PSD2: variants seen among roughly 807,000 people sequenced by gnomAD.
PSD2 encodes PH and SEC7 domain-containing protein 2.
PSD2 carries 38 observed loss-of-function variants against 69.8 expected under a neutral mutation model. The ratio of observed to expected loss-of-function variants is 0.54; its 90% CI spans 0.42 to 0.71. PSD2 has a LOEUF of 0.71. PSD2 is among the 30% of genes least tolerant of loss of function. PSD2 has a pLI of 0.00. For synonymous variants in PSD2, 412 were observed against 423.0 expected (o/e 0.97, Z 0.32); for missense variants, 943 against 1,014.5 (o/e 0.93, Z 0.96).
At chr5:139,790,001 G>C in the PSD2 span, among the ~76,000 whole-genome samples, 1 of 152,126 alleles carries the variant, frequency 6.6e-6, no homozygotes, top group African/African-American at 2.4e-5. Context: ...GGCCGGGCGG[G>C]CGCTGAGGTG....
chr5:139,743,402 G>C, the PSD2 span, among the ~76,000 whole-genome samples: 6 of 152,208 alleles, frequency 3.9e-5, no homozygotes, highest in African/African-American at 1.2e-4. Flanking sequence ...GGAACTGGGA[G>C]CCTGCAGTGT....
Position 139,813,712 on chromosome 5 carries a change from G to A in PSD2, c.775G>A (p.Glu259Lys), listed in dbSNP as rs370311639. 2 of 1,612,872 alleles carry A rather than the reference G, an allele frequency of 1.2e-6. No homozygotes were observed. The highest frequency in any genetic ancestry group is 8.5e-7 in the Non-Finnish European group (1 of 1,179,548). The change falls in exon 3 of 15, where the codon GAG becomes AAG. Residue 259 changes from glutamate (E) to lysine (K), a missense_variant. Physicochemically the swap from Glu to Lys is moderately conservative, Grantham distance 56 (BLOSUM62 1). Coordinates refer to ENST00000274710, the MANE Select transcript of PSD2 (RefSeq NM_032289.4). ...TGGCCCTCAGGGCCCAGGGGGGGATGAGGATGATGATGAGGAGGACACGGA... is the reference window on the plus strand; with the variant it reads ...TGGCCCTCAGGGCCCAGGGGGGGATAAGGATGATGATGAGGAGGACACGGA... The part of the protein sequence containing the change: ...EDGPQGPGGD[E>K]DDDEEDTDKL...
At chr5:139,811,330 A>G (rs926089483) in intron 2 of PSD2, among the ~76,000 whole-genome samples, 4 of 152,090 alleles carry the variant, frequency 2.6e-5, no homozygotes, top group African/African-American at 7.2e-5. Context: ...AATCTTAGGC[A>G]CTGGGGGGCC....
intron 8 of PSD2, 122 bp downstream of exon 8, chr5:139,833,913 T>C: frequency 1.3e-6 from 1 of 760,552 alleles, no homozygotes; most frequent in Non-Finnish European, 2.3e-6. Flanking sequence ...AGGGCCATGA[T>C]GACAAAGTTA....
chr5:139,827,501 G>A (rs544447061), intron 7 of PSD2, among the ~76,000 whole-genome samples: 1 of 152,330 alleles, frequency 6.6e-6, no homozygotes, highest in South Asian at 2.1e-4. Context: ...ATGTCTGCAG[G>A]GAAGTGGTTA....
At chr5:139,754,870 AAAAAACAAAAAC>A in the PSD2 span, among the ~76,000 whole-genome samples, 1 of 152,080 alleles carries the variant, frequency 6.6e-6, no homozygotes, top group Non-Finnish European at 1.5e-5. Flanking sequence ...CTGTCTCAAA[AAAAAACAAAAAC>A]AAAAACAAAA....
At chr5:139,753,092 C>A in the PSD2 span, among the ~76,000 whole-genome samples, 1 of 152,210 alleles carries the variant, frequency 6.6e-6, no homozygotes, top group South Asian at 2.1e-4. Flanking sequence ...CCCATCCCAC[C>A]ACCATCAGCA....
At chr5:139,775,652 G>A in the PSD2 span, among the ~76,000 whole-genome samples, 14 of 152,154 alleles carry the variant, frequency 9.2e-5, no homozygotes, top group Admixed American at 2.6e-4. Flanking sequence ...GAGTTTCTTC[G>A]CCTGTCTTCT....
rs1300700140 is a variant in PSD2, at chr5:139,817,600, C to A, written c.1097+39C>A. Reference sequence around the variant, plus strand: ...GGACAGGCAGTGCCCACAAGTGGTACAGGCTGCACTTCTGGATTCTCATGT... The same window carrying A: ...GGACAGGCAGTGCCCACAAGTGGTAAAGGCTGCACTTCTGGATTCTCATGT... On this transcript the variant is annotated intron_variant, in intron 5 of 14. Transcript: ENST00000274710. 9 of 1,498,650 alleles carry A rather than the reference C, an allele frequency of 6.0e-6. No homozygotes were observed. In the African/African-American group the frequency reaches 1.1e-4, roughly 18 times the overall value. 92.8% of individuals were successfully genotyped at this position (1,498,650 alleles called of 1,614,324 possible).
chr5:139,786,018 G>A, the PSD2 span, among the ~76,000 whole-genome samples: 1 of 152,192 alleles, frequency 6.6e-6, no homozygotes, highest in Admixed American at 6.5e-5. Context: ...GAACCCAGGA[G>A]TTTGAGGTTA....
the PSD2 span, among the ~76,000 whole-genome samples, chr5:139,759,746 A>G: frequency 6.6e-6 from 1 of 152,176 alleles, no homozygotes; most frequent in Non-Finnish European, 1.5e-5. Flanking sequence ...TCTTCCGTTT[A>G]ATTATTTGTA....
At chr5:139,755,874 C>T in the PSD2 span, among the ~76,000 whole-genome samples, 6 of 151,888 alleles carry the variant, frequency 4.0e-5, no homozygotes, top group African/African-American at 1.5e-4. Context: ...AAGGGGGCTC[C>T]AACAAATCTC....
At chr5:139,750,173 A>G in the PSD2 span, among the ~76,000 whole-genome samples, 1 of 152,094 alleles carries the variant, frequency 6.6e-6, no homozygotes. Flanking sequence ...AAAATACAAA[A>G]AAATTAGCCA....
the PSD2 span, among the ~76,000 whole-genome samples, chr5:139,789,579 C>CA: frequency 2.4e-4 from 36 of 152,138 alleles, no homozygotes; most frequent in East Asian, 1.9e-4. Flanking sequence ...AAAAGAAAAA[C>CA]AAAAAACAAA....
rs147804143 is a variant in PSD2 at position 139,822,934 on chromosome 5, C to T, written c.1269+150C>T. 1,237 of 595,790 alleles carry T rather than the reference C, an allele frequency of 2.1e-3. 18 individuals are homozygous for T. The highest frequency in any genetic ancestry group is 0.02 in the African/African-American group (1,043 of 51,772). 36.9% of individuals were successfully genotyped at this position (595,790 alleles called of 1,614,324 possible). ...GGCAGCTTGGCTTCTAGATTTGGCC[C>T]CGCCCTAGTTTCATCCACCTGTGAT... On this transcript the variant is annotated intron_variant, in intron 7 of 14. Coordinates refer to ENST00000274710, the MANE Select transcript of PSD2 (RefSeq NM_032289.4).
In PSD2 at chr5:139,809,432, G is replaced by A. The variant is rs1162703911; in HGVS notation, c.-9G>A. ...GGAGCAGCCAGGACAGGCGGAAGCA[G>A]TGGCTGCCATGGAGGAGGACAAGCT... is the stretch of plus-strand genomic sequence containing the variant. On this transcript the variant is annotated 5_prime_UTR_variant, in exon 2 of 15. In the 5' UTR this introduces an upstream ATG that the reference lacks. Coordinates refer to ENST00000274710, the MANE Select transcript of PSD2 (RefSeq NM_032289.4). The A allele has an allele frequency of 1.9e-6, 3 of 1,608,814 alleles. No homozygotes were observed. The highest frequency in any genetic ancestry group is 1.3e-5 in the African/African-American group (1 of 74,800).
At chr5:139,812,033 T>C (rs1251242318) in intron 2 of PSD2, among the ~76,000 whole-genome samples, 1 of 152,178 alleles carries the variant, frequency 6.6e-6, no homozygotes, top group African/African-American at 2.4e-5. Context: ...CCTGCTCATG[T>C]CCCTGGTGGA....
the PSD2 span, among the ~76,000 whole-genome samples, chr5:139,776,958 T>C: frequency 6.6e-6 from 1 of 152,238 alleles, no homozygotes; most frequent in Non-Finnish European, 1.5e-5. Context: ...TAGTTTCCAC[T>C]GTAGGACAGT....
upstream of PSD2, among the ~76,000 whole-genome samples, chr5:139,792,644 G>A (rs1051566247): frequency 1.3e-5 from 2 of 152,162 alleles, no homozygotes; most frequent in Non-Finnish European, 2.9e-5. Flanking sequence ...CTTGAGGAAT[G>A]GGGGAAATAT....
Sources: allele counts gnomAD v4.1 joint callset (sites outside exome capture counted in the v4.1 genomes callset), GRCh38; gene constraint gnomAD v4.1.1; transcripts MANE v1.5; gene names NCBI Gene and HGNC (gene_info 2026-07-23, HGNC 2026-07-21).